Variants in RETREG1 observed in about 807,000 individuals in gnomAD.
RETREG1 encodes the protein reticulophagy regulator 1.
RETREG1 carries 44 observed loss-of-function variants against 54.8 expected under a neutral mutation model. That is an observed-to-expected ratio of 0.80 (90% CI 0.63 to 1.03). The LOEUF (loss-of-function observed/expected upper bound fraction) is 1.03. Ranked by LOEUF, RETREG1 falls within the 50% of genes least tolerant of loss-of-function variation. RETREG1 has a pLI of 0.00. For missense variants in RETREG1, 554 were observed against 605.1 expected (o/e 0.92, Z 0.89); for synonymous variants, 217 against 238.5 (o/e 0.91, Z 0.83).
At chr5:16,521,927 T>C (rs1249093878) in intron 3 of RETREG1, among the ~76,000 whole-genome samples, 2 of 152,148 alleles carry the variant, frequency 1.3e-5, no homozygotes, top group African/African-American at 4.8e-5. Flanking sequence ...CATATTCGCT[T>C]TGGGGTGTGG....
At chr5:16,573,735 G>GTT (rs3993826) in intron 1 of RETREG1, among the ~76,000 whole-genome samples, 19,596 of 116,430 alleles carry the variant, frequency 0.17, 2,469 homozygotes, top group Non-Finnish European at 0.25. Context: ...GGGTTTGTTT[G>GTT]TTTTTTGTTT....
chr5:16,588,682 G>A (rs750292928), intron 1 of RETREG1, among the ~76,000 whole-genome samples: 3 of 152,194 alleles, frequency 2.0e-5, no homozygotes, highest in Non-Finnish European at 4.4e-5. Flanking sequence ...GATCAAGGCT[G>A]AAATATCTGA....
intron 1 of RETREG1, among the ~76,000 whole-genome samples, chr5:16,607,048 C>T (rs1246545042): frequency 2.0e-5 from 3 of 152,136 alleles, no homozygotes; most frequent in African/African-American, 7.2e-5. Context: ...CTGCTTGGAT[C>T]ATTCCCTGAC....
chr5:16,609,193 G>A (rs1333349779), intron 1 of RETREG1, among the ~76,000 whole-genome samples: 1 of 152,152 alleles, frequency 6.6e-6, no homozygotes, highest in Non-Finnish European at 1.5e-5. Context: ...AACAGTACCG[G>A]TCAACGTCAT....
At position 16,473,579 on chromosome 5, in the gene RETREG1, T is replaced by TA. The variant is rs986788772; in HGVS notation, c.*1161dup. ...GTTGCTGGCATGGTCCCTCGACACT[T>TA]AAAGTTTATATCACAAAAACAAAAC... On this transcript the variant is annotated 3_prime_UTR_variant, in exon 9 of 9. Coordinates refer to ENST00000306320, the MANE Select transcript of RETREG1 (RefSeq NM_001034850.3). The TA allele has an allele frequency of 4.6e-5, 7 of 152,540 alleles. No homozygotes were observed. Among genetic ancestry groups the TA allele is most frequent in the African/African-American group, 1.7e-4 (7 of 41,444 alleles). The allele number at this position is 152,540 out of a possible 1,614,324, so 9.4% of individuals were successfully genotyped here.
chr5:16,495,138 G>A (rs551710063), intron 3 of RETREG1, among the ~76,000 whole-genome samples: 2 of 152,300 alleles, frequency 1.3e-5, no homozygotes, highest in South Asian at 2.1e-4. Flanking sequence ...GCAGCAAGGT[G>A]TTCAAGATGT....
intron 1 of RETREG1, among the ~76,000 whole-genome samples, chr5:16,584,818 G>A (rs1027332574): frequency 6.6e-6 from 1 of 152,184 alleles, no homozygotes; most frequent in Admixed American, 6.5e-5. Flanking sequence ...TTTCAGAGCT[G>A]TTTAAAACAT....
chr5:16,494,699 T>C (rs1010205440), intron 3 of RETREG1, among the ~76,000 whole-genome samples: 2 of 152,222 alleles, frequency 1.3e-5, no homozygotes, highest in African/African-American at 4.8e-5. Context: ...TAAAACTCTT[T>C]TCCTTATAGA....
intron 3 of RETREG1, among the ~76,000 whole-genome samples, chr5:16,498,891 A>C (rs1227499750): frequency 2.6e-5 from 4 of 152,120 alleles, no homozygotes; most frequent in Admixed American, 2.0e-4. Context: ...AAATTCTTTA[A>C]ATTTTTCTTT....
At chr5:16,551,269 G>T (rs1252314282) in intron 3 of RETREG1, among the ~76,000 whole-genome samples, 2 of 151,054 alleles carry the variant, frequency 1.3e-5, no homozygotes, top group Non-Finnish European at 3.0e-5. Context: ...CTCCTAAAAA[G>T]CTCCTTCCCC....
At chr5:16,511,959 T>C (rs1322295972) in intron 3 of RETREG1, among the ~76,000 whole-genome samples, 2 of 152,060 alleles carry the variant, frequency 1.3e-5, no homozygotes, top group Non-Finnish European at 2.9e-5. Context: ...CAGTATGAGA[T>C]TTAGTGGGGA....
intron 3 of RETREG1, among the ~76,000 whole-genome samples, chr5:16,537,805 T>G (rs1741122829): frequency 6.6e-6 from 1 of 151,906 alleles, no homozygotes; most frequent in African/African-American, 2.4e-5. Flanking sequence ...ACAGCACCAT[T>G]CTCAGACGCA....
chr5:16,610,291 G>A (rs892778448), intron 1 of RETREG1, among the ~76,000 whole-genome samples: 4 of 152,198 alleles, frequency 2.6e-5, no homozygotes, highest in Non-Finnish European at 4.4e-5. Context: ...GTGCCCCTGC[G>A]TGGACACCTC....
chr5:16,482,076 C>T (rs1346348589), intron 4 of RETREG1, among the ~76,000 whole-genome samples: 3 of 151,850 alleles, frequency 2.0e-5, no homozygotes, highest in Non-Finnish European at 4.4e-5. Context: ...TTTCATTCTT[C>T]GGTACAGAGT....
intron 1 of RETREG1, among the ~76,000 whole-genome samples, chr5:16,599,134 G>A (rs1413554531): frequency 1.3e-5 from 2 of 152,182 alleles, no homozygotes; most frequent in African/African-American, 4.8e-5. Context: ...CTTGAGCCCG[G>A]AAGTGGAGGT....
At chr5:16,582,626 G>A (rs1742518666) in intron 1 of RETREG1, among the ~76,000 whole-genome samples, 1 of 150,076 alleles carries the variant, frequency 6.7e-6, no homozygotes, top group Non-Finnish European at 1.5e-5. Context: ...AAACTGTCAG[G>A]GGAAACCCTC....
chr5:16,525,649 T>C (rs936339834), intron 3 of RETREG1, among the ~76,000 whole-genome samples: 1 of 151,920 alleles, frequency 6.6e-6, no homozygotes, highest in African/African-American at 2.4e-5. Context: ...TAAGCAAAAC[T>C]AGGGGATCAA....
intron 1 of RETREG1, among the ~76,000 whole-genome samples, chr5:16,586,836 T>C (rs1742637526): frequency 6.6e-6 from 1 of 152,190 alleles, no homozygotes; most frequent in South Asian, 2.1e-4. Flanking sequence ...ATAGTTCTGG[T>C]GGCTGGGAAG....
At position 16,574,038 on chromosome 5, in the gene RETREG1, C is replaced by T. The variant is rs575688589; in HGVS notation, c.321-1936G>A. Among the ~76,000 whole-genome samples, 66 of 152,296 alleles carry T rather than the reference C, an allele frequency of 4.3e-4. 1 individual carries two copies. The highest frequency in any genetic ancestry group is 1.4e-3 in the African/African-American group (59 of 41,564). ...CTGGGATTACAGGCACAAGCCACAA[C>T]GCCCGGCTGGGAAGTTTTTATAGAA... On this transcript the variant is annotated intron_variant, in intron 1 of 8. Coordinates refer to ENST00000306320, the MANE Select transcript of RETREG1 (RefSeq NM_001034850.3).
Sources: allele counts gnomAD v4.1 joint callset (sites outside exome capture counted in the v4.1 genomes callset), GRCh38; gene constraint gnomAD v4.1.1; transcripts MANE v1.5; gene names NCBI Gene and HGNC (gene_info 2026-07-23, HGNC 2026-07-21).